Variants in GALNS observed in about 807,000 individuals in gnomAD.
GALNS encodes N-acetylgalactosamine-6-sulfatase.
GALNS carries 65 observed loss-of-function variants against 65.9 expected under a neutral mutation model. The observed-to-expected ratio is 0.99, with a 90% CI of 0.81 to 1.21. The LOEUF is 1.21. Ranked by LOEUF, GALNS falls within the 50% of genes most tolerant of loss-of-function variation. GALNS has a pLI of 0.00. For missense variants in GALNS, 776 were observed against 700.7 expected (o/e 1.11, Z -1.21); for synonymous variants, 346 against 288.9 (o/e 1.20, Z -2.00).
intron 3 of GALNS, among the ~76,000 whole-genome samples, chr16:88,841,464 T>C (rs1335671047): frequency 6.7e-5 from 10 of 150,238 alleles, no homozygotes; most frequent in East Asian, 2.0e-4. Context: ...CACCCCTGCC[T>C]CCCCCGTCCT....
intron 8 of GALNS, 144 bp downstream of exon 8, chr16:88,835,069 C>T (rs1025198615): frequency 1.6e-5 from 17 of 1,071,824 alleles, no homozygotes; most frequent in East Asian, 1.6e-4. Context: ...GCTCGAGGCT[C>T]GGTGACATCT....
At chr16:88,825,223 G>C (rs1273939495) in intron 10 of GALNS, among the ~76,000 whole-genome samples, 4 of 122,050 alleles carry the variant, frequency 3.3e-5, no homozygotes, top group African/African-American at 1.7e-4. Flanking sequence ...GGGGCGCCTG[G>C]GTGTCTGGGG....
At chr16:88,820,007 C>T (rs939279481) in intron 12 of GALNS, among the ~76,000 whole-genome samples, 1 of 151,212 alleles carries the variant, frequency 6.6e-6, no homozygotes, top group African/African-American at 2.4e-5. Flanking sequence ...TTTTTATTTT[C>T]TGTACCAGTA....
intron 12 of GALNS, 34 bp from the exon 13 acceptor site, chr16:88,818,158 G>T: frequency 6.5e-7 from 1 of 1,530,910 alleles, no homozygotes; most frequent in Non-Finnish European, 8.8e-7. Context: ...CACGGCTGGG[G>T]CTGACAGCGA....
At chr16:88,852,030 C>A (rs1967530339) in intron 1 of GALNS, among the ~76,000 whole-genome samples, 1 of 152,240 alleles carries the variant, frequency 6.6e-6, no homozygotes, top group African/African-American at 2.4e-5. Flanking sequence ...AGTGTTTGAG[C>A]TCTGAGAACG....
At chr16:88,824,496 C>G (rs923705260) in intron 11 of GALNS, among the ~76,000 whole-genome samples, 3 of 152,164 alleles carry the variant, frequency 2.0e-5, no homozygotes, top group African/African-American at 7.2e-5. Context: ...ATGGGGGCCA[C>G]CTGACCAGGG....
intron 9 of GALNS, among the ~76,000 whole-genome samples, chr16:88,827,472 G>A (rs1157204212): frequency 1.3e-5 from 2 of 152,150 alleles, no homozygotes; most frequent in Non-Finnish European, 2.9e-5. Flanking sequence ...TTGAGATGGA[G>A]TTTTGTTCTT....
intron 5 of GALNS, among the ~76,000 whole-genome samples, chr16:88,836,915 C>A (rs751966715): frequency 6.6e-6 from 1 of 152,204 alleles, no homozygotes; most frequent in Admixed American, 6.5e-5. Flanking sequence ...TCTGAAGCAG[C>A]TACAGTGCTG....
intron 9 of GALNS, among the ~76,000 whole-genome samples, chr16:88,828,260 G>C (rs1055955223): frequency 2.1e-5 from 3 of 142,262 alleles, no homozygotes; most frequent in African/African-American, 7.9e-5. Context: ...GCGGAGCAGT[G>C]CTTGTGGTGC....
intron 3 of GALNS, 60 bp downstream of exon 3, chr16:88,841,837 G>A (rs928067481): frequency 2.8e-5 from 41 of 1,485,416 alleles, no homozygotes; most frequent in African/African-American, 2.2e-4. Context: ...GGCACCACCC[G>A]TAGCCCACCT....
chr16:88,832,059 A>AACGTGGTCTGCTTCCC lies in GALNS; in HGVS notation c.925_940dup (p.Phe314TrpfsTer7). 6.2e-7 allele frequency: 1 copy of AACGTGGTCTGCTTCCC among 1,613,882 alleles called. No homozygotes were observed. Among genetic ancestry groups the AACGTGGTCTGCTTCCC allele is most frequent in the South Asian group, 1.1e-5 (1 of 91,080 alleles). On this transcript the variant is annotated frameshift_variant, in exon 9 of 14. Coordinates refer to ENST00000268695, the MANE Select transcript of GALNS (RefSeq NM_000512.5). LOFTEE classifies it high-confidence loss of function. ...GGCAGGCTCCCTCATCCCTCCTTCA[A>AACGTGGTCTGCTTCCC]ACGTGGTCTGCTTCCCACACAGAAA...
chr16:88,832,781 C>A (rs1305783094), intron 8 of GALNS, among the ~76,000 whole-genome samples: 15 of 152,226 alleles, frequency 9.9e-5, no homozygotes, highest in Admixed American at 9.2e-4. Context: ...AACGAAGGGG[C>A]CGGCTGCGGT....
chr16:88,847,233 T>G (rs1469069674), intron 1 of GALNS, among the ~76,000 whole-genome samples: 1 of 152,106 alleles, frequency 6.6e-6, no homozygotes, highest in Non-Finnish European at 1.5e-5. Flanking sequence ...CAGCTGGGCA[T>G]GGTGGCACAC....
At chr16:88,855,725 T>C in intron 1 of GALNS, 2 of 579,978 alleles carry the variant, frequency 3.4e-6, no homozygotes, top group Non-Finnish European at 6.1e-6. Context: ...CTGTGTATTT[T>C]ACACTACCAG....
intron 1 of GALNS, chr16:88,855,317 G>A: frequency 1.4e-6 from 1 of 700,232 alleles, no homozygotes; most frequent in Non-Finnish European, 2.6e-6. Flanking sequence ...AGCTATGCTG[G>A]CCCAGAAGGA....
intron 3 of GALNS, among the ~76,000 whole-genome samples, 184 bp from the exon 4 acceptor site, chr16:88,841,278 AC>A (rs1391166539): frequency 1.3e-5 from 2 of 151,926 alleles, no homozygotes; most frequent in Non-Finnish European, 2.9e-5. Flanking sequence ...TTTTCCAGGC[AC>A]CCCTCAGAGC....
At chr16:88,854,318 G>A (rs961290623) in intron 1 of GALNS, among the ~76,000 whole-genome samples, 10 of 152,290 alleles carry the variant, frequency 6.6e-5, no homozygotes, top group East Asian at 1.9e-4. Context: ...AGGAAGCCCC[G>A]GACTCCAAGG....
At chr16:88,824,184 G>A (rs1343080304) in intron 11 of GALNS, among the ~76,000 whole-genome samples, 4 of 152,166 alleles carry the variant, frequency 2.6e-5, no homozygotes, top group Admixed American at 6.5e-5. Flanking sequence ...CTCAGGAGGG[G>A]CTGGGGGATG....
intron 8 of GALNS, among the ~76,000 whole-genome samples, chr16:88,833,427 C>T (rs1487709374): frequency 8.7e-5 from 13 of 150,174 alleles, no homozygotes; most frequent in Non-Finnish European, 1.6e-4. Context: ...TCCCTCCCTC[C>T]CTTTCTTTCC....
Sources: allele counts gnomAD v4.1 joint callset (sites outside exome capture counted in the v4.1 genomes callset), GRCh38; gene constraint gnomAD v4.1.1; transcripts MANE v1.5; gene names NCBI Gene and HGNC (gene_info 2026-07-23, HGNC 2026-07-21).